The following PALS1 variants were observed in gnomAD, a reference collection of about 807,000 sequenced individuals.
The protein encoded by PALS1 is protein PALS1.
Under a neutral mutation model 78.9 loss-of-function variants are expected in PALS1, and 31 were observed. That is an observed-to-expected ratio of 0.39 (90% CI 0.30 to 0.53). The LOEUF (loss-of-function observed/expected upper bound fraction) is 0.53, where lower values mean the gene tolerates loss of function less well. Ranked by LOEUF, PALS1 falls within the 20% of genes least tolerant of loss-of-function variation. The probability of loss-of-function intolerance (pLI) is 0.67; values close to 1 mark genes in which losing one functional copy is unlikely to be tolerated. For synonymous variants in PALS1, 276 were observed against 270.9 expected (o/e 1.02, Z -0.18); for missense variants, 704 against 826.5 (o/e 0.85, Z 1.82).
Position 67,303,592 on chromosome 14 carries a change from A to C in PALS1, c.1034A>C (p.Glu345Ala). The change falls in exon 8 of 15, where the codon GAA becomes GCA. Residue 345 changes from glutamate to alanine, a missense_variant. By Grantham distance (107) the Glu-to-Ala change is moderately radical. Transcript: ENST00000261681. Reference sequence around the variant, plus strand: ...CAGATCAAGCCGCCTCCTGCCAAGGAAACAGTAGTAAGTGATTTTTAAATG... The same window carrying C: ...CAGATCAAGCCGCCTCCTGCCAAGGCAACAGTAGTAAGTGATTTTTAAATG... ...SQQIKPPPAK[E>A]TVIHVKAHFD... The C allele has an allele frequency of 6.2e-7, 1 of 1,611,632 alleles. No homozygotes were observed. The highest frequency in any genetic ancestry group is 8.5e-7 in the Non-Finnish European group (1 of 1,177,778).
intron 2 of PALS1, among the ~76,000 whole-genome samples, chr14:67,273,633 T>C (rs1192965461): frequency 1.3e-5 from 2 of 152,228 alleles, no homozygotes; most frequent in Non-Finnish European, 2.9e-5. Context: ...TTTGGGTATA[T>C]ACCCAGTAAT....
intron 2 of PALS1, among the ~76,000 whole-genome samples, chr14:67,275,074 A>G (rs1428811540): frequency 1.3e-5 from 2 of 152,210 alleles, no homozygotes; most frequent in Non-Finnish European, 2.9e-5. Context: ...AACAGGGACA[A>G]TTTGACTTCC....
rs2084798693 is a variant in PALS1, at chr14:67,293,039, A to G, written c.576+320A>G. Among the ~76,000 whole-genome samples the G allele has an allele frequency of 2.0e-5, 3 of 152,150 alleles. No homozygotes were observed. The South Asian group carries it at 6.2e-4, about 32-fold the overall frequency. On this transcript the variant is annotated intron_variant, in intron 4 of 14. Coordinates refer to ENST00000261681, the MANE Select transcript of PALS1 (RefSeq NM_022474.4). ...TATAGTTTTATGAATTTTAAGCATT[A>G]TACATTATAAACTGAGATAGTGAAT...
chr14:67,301,865 C>T (rs1042191338), intron 5 of PALS1, 107 bp from the exon 6 acceptor site: 20 of 1,219,344 alleles, frequency 1.6e-5, no homozygotes, highest in Non-Finnish European at 2.0e-5. Context: ...TTAATTATAA[C>T]ACTTTTAAAG....
At chr14:67,318,224 T>C (rs2140979620) in intron 11 of PALS1, among the ~76,000 whole-genome samples, 1 of 152,350 alleles carries the variant, frequency 6.6e-6, no homozygotes, top group South Asian at 2.1e-4. Flanking sequence ...GAATTTGAAA[T>C]ATTTGGGAGC....
chr14:67,256,797 G>GACACACACACACACACACACAC (rs10654145), intron 1 of PALS1, among the ~76,000 whole-genome samples: 164 of 147,774 alleles, frequency 1.1e-3, no homozygotes, highest in Non-Finnish European at 2.0e-3. Context: ...AGAAACTATT[G>GACACACACACACACACACACAC]ACACACACAC....
intron 1 of PALS1, 90 bp downstream of exon 1, chr14:67,241,623 T>G (rs2083905600): frequency 6.6e-6 from 1 of 151,120 alleles, no homozygotes; most frequent in Admixed American, 6.6e-5. Context: ...GCGGCCGGGC[T>G]CCCCTTCCCC....
intron 4 of PALS1, among the ~76,000 whole-genome samples, chr14:67,299,076 AT>A (rs1227066442): frequency 6.6e-6 from 1 of 152,148 alleles, no homozygotes; most frequent in Non-Finnish European, 1.5e-5. Context: ...ATTGATGGAT[AT>A]TTGGGTTGTT....
intron 1 of PALS1, among the ~76,000 whole-genome samples, chr14:67,254,584 C>T (rs1396904996): frequency 6.6e-6 from 1 of 152,114 alleles, no homozygotes; most frequent in African/African-American, 2.4e-5. Flanking sequence ...CTGATACAGT[C>T]GTACTTGTCC....
chr14:67,284,077 T>G (rs1421215691), intron 3 of PALS1, among the ~76,000 whole-genome samples: 1 of 152,074 alleles, frequency 6.6e-6, no homozygotes, highest in African/African-American at 2.4e-5. Flanking sequence ...GAGGACCAAA[T>G]GAAAAAAGCA....
chr14:67,255,152 A>G (rs886738069), intron 1 of PALS1, among the ~76,000 whole-genome samples: 1 of 152,016 alleles, frequency 6.6e-6, no homozygotes, highest in African/African-American at 2.4e-5. Flanking sequence ...CATCTCTCAA[A>G]AAAAAAAAAA....
At position 67,323,259 on chromosome 14, in the gene PALS1, G is replaced by GTATATATA. The variant is rs1168967610; in HGVS notation, c.1741-442_1741-441insATATATAT. ...TGTGTGTGTGTGTGTGTGTGTGTGT[G>GTATATATA]TGTATATATATATATGGCTTCACAG... is the stretch of plus-strand genomic sequence containing the variant. On this transcript the variant is annotated intron_variant, in intron 13 of 14. Coordinates refer to ENST00000261681, the MANE Select transcript of PALS1 (RefSeq NM_022474.4). Among the ~76,000 whole-genome samples, 103 of 125,204 alleles carry GTATATATA rather than the reference G, an allele frequency of 8.2e-4. No individual in the cohort carries two copies. In the East Asian group the frequency reaches 9.2e-3, roughly 11 times the overall value. The allele number at this position is 125,204 out of a possible 152,430, so 82.1% of individuals were successfully genotyped here. A position where few individuals can be genotyped will look rare whatever the true frequency, so the allele number is the denominator to read the frequency against.
intron 1 of PALS1, among the ~76,000 whole-genome samples, chr14:67,244,948 AG>A (rs967422908): frequency 3.9e-5 from 6 of 152,218 alleles, no homozygotes; most frequent in African/African-American, 1.4e-4. Context: ...AGAGAGAGGC[AG>A]AAGAGTAGAG....
Position 67,321,064 on chromosome 14 carries a change from C to T in PALS1, c.1545C>T (p.Thr515=), listed in dbSNP as rs748109354. 6.2e-7 allele frequency: 1 copy of T among 1,613,858 alleles called. No homozygotes were observed. Among genetic ancestry groups the T allele is most frequent in the African/African-American group, 1.3e-5 (1 of 74,888 alleles). ...CTGATTTTGTTTGCCTAGATACAAC[C>T]CGGAGTAGGCGAGACCAAGAAGTAG... The part of the protein sequence containing the change: ...DRFASAVPHT[T]RSRRDQEVAG... The change falls in exon 13 of 15, where the codon ACC becomes ACT. Residue 515 remains threonine (T), a synonymous_variant. Transcript: ENST00000261681.
At chr14:67,318,927 G>A (rs1431489503) in intron 11 of PALS1, among the ~76,000 whole-genome samples, 2 of 152,060 alleles carry the variant, frequency 1.3e-5, no homozygotes, top group Non-Finnish European at 2.9e-5. Flanking sequence ...GCGTGATGGC[G>A]GGTGCCTGTA....
chr14:67,281,785 A>T (rs1386153020), intron 3 of PALS1, among the ~76,000 whole-genome samples: 2 of 151,462 alleles, frequency 1.3e-5, no homozygotes, highest in East Asian at 3.9e-4. Context: ...GCCTAAGCAC[A>T]CAAAATTGGA....
At chr14:67,284,419 C>T (rs531554434) in intron 3 of PALS1, among the ~76,000 whole-genome samples, 1 of 98,492 alleles carries the variant, frequency 1.0e-5, no homozygotes, top group South Asian at 3.3e-4. Flanking sequence ...GCAACATAGA[C>T]CCTATCTCTT....
At chr14:67,264,464 AT>A (rs11343362) in intron 1 of PALS1, among the ~76,000 whole-genome samples, 23,448 of 151,416 alleles carry the variant, frequency 0.15, 3,407 homozygotes, top group East Asian at 0.42. Flanking sequence ...ATGTTGTGTT[AT>A]TTTTTCATGT....
intron 3 of PALS1, among the ~76,000 whole-genome samples, chr14:67,281,268 C>T (rs1029631408): frequency 9.2e-5 from 14 of 152,116 alleles, no homozygotes; most frequent in Non-Finnish European, 2.1e-4. Context: ...TCAGGATCCA[C>T]ATTTCATATG....
Sources: allele counts gnomAD v4.1 joint callset (sites outside exome capture counted in the v4.1 genomes callset), GRCh38; gene constraint gnomAD v4.1.1; transcripts MANE v1.5; gene names NCBI Gene and HGNC (gene_info 2026-07-23, HGNC 2026-07-21).